CHSY3: variants seen among roughly 807,000 people sequenced by gnomAD.
CHSY3 encodes chondroitin sulfate synthase 3.
CHSY3 carries 35 observed loss-of-function variants against 67.2 expected under a neutral mutation model. That is an observed-to-expected ratio of 0.52 (90% CI 0.40 to 0.69). CHSY3 has a LOEUF of 0.69. Among genes scored for constraint, CHSY3 ranks in the 30% least tolerant of loss-of-function variants. The probability of loss-of-function intolerance (pLI) is 0.00; values close to 1 mark genes in which losing one functional copy is unlikely to be tolerated. For synonymous variants in CHSY3, 474 were observed against 434.7 expected, an observed-to-expected ratio of 1.09 and a Z score of -1.12; for missense variants, 1,069 against 1,138.5, an observed-to-expected ratio of 0.94 and a Z score of 0.88.
chr5:130,076,211 A>T (rs1246348718), intron 2 of CHSY3, among the ~76,000 whole-genome samples: 1 of 151,998 alleles, frequency 6.6e-6, no homozygotes, highest in Non-Finnish European at 1.5e-5. Context: ...TCTAACTAAG[A>T]TGCAGCCTTG....
intron 1 of CHSY3, 135 bp downstream of exon 1, chr5:129,905,766 G>A: frequency 7.3e-7 from 1 of 1,377,402 alleles, no homozygotes; most frequent in Non-Finnish European, 9.3e-7. Flanking sequence ...GCCCTGGCCC[G>A]CCCTCCCCAC....
At chr5:130,020,445 ATATATATATATATATATT>A (rs1456934250) in intron 2 of CHSY3, among the ~76,000 whole-genome samples, 351 of 13,614 alleles carry the variant, frequency 0.026, 11 homozygotes, top group East Asian at 0.12. Context: ...ATATATATAT[ATATATATATATATATATT>A]TTTTTTTTTT....
At chr5:130,118,667 T>G (rs1767905002) in intron 2 of CHSY3, among the ~76,000 whole-genome samples, 1 of 152,170 alleles carries the variant, frequency 6.6e-6, no homozygotes, top group African/African-American at 2.4e-5. Context: ...CTATCATCGA[T>G]TTCCTTTTTC....
intron 2 of CHSY3, among the ~76,000 whole-genome samples, chr5:129,953,882 C>T (rs1762096230): frequency 1.3e-5 from 2 of 152,130 alleles, no homozygotes; most frequent in East Asian, 1.9e-4. Flanking sequence ...GATATTAGCC[C>T]TTTGTCAGAT....
chr5:129,912,078 A>G (rs976119390), intron 2 of CHSY3, among the ~76,000 whole-genome samples: 1 of 152,060 alleles, frequency 6.6e-6, no homozygotes, highest in Non-Finnish European at 1.5e-5. Context: ...CAACAACAAC[A>G]AAAAAACTTA....
intron 2 of CHSY3, among the ~76,000 whole-genome samples, chr5:130,007,698 A>G (rs1024641338): frequency 6.6e-6 from 1 of 152,200 alleles, no homozygotes; most frequent in Non-Finnish European, 1.5e-5. Flanking sequence ...TTGGTGTGGG[A>G]ACTGCTACAG....
At chr5:130,059,060 G>T (rs1765626238) in intron 2 of CHSY3, among the ~76,000 whole-genome samples, 1 of 152,168 alleles carries the variant, frequency 6.6e-6, no homozygotes, top group Non-Finnish European at 1.5e-5. Context: ...TGTGTTTTGT[G>T]AAGGTACCTT....
rs561740676 is a variant in CHSY3 at position 129,947,216 on chromosome 5, T to A, written c.1086+38856T>A. ...AAAAGCCCATTATAAAGCCATCAGA[T>A]CTCATAAGAACTCACTATCATGAGA... On this transcript the variant is annotated intron_variant, in intron 2 of 2. Transcript: ENST00000305031. 2.6e-5 allele frequency among the ~76,000 whole-genome samples: 4 copies of A among 152,192 alleles called. No homozygotes were observed. The South Asian group carries it at 8.3e-4, about 32-fold the overall frequency.
At chr5:129,988,112 A>C (rs1261967304) in intron 2 of CHSY3, among the ~76,000 whole-genome samples, 2 of 152,222 alleles carry the variant, frequency 1.3e-5, no homozygotes, top group Non-Finnish European at 2.9e-5. Context: ...TCAAAATGGC[A>C]TTTGTACTCA....
At chr5:130,173,439 C>T (rs79713005) in intron 2 of CHSY3, among the ~76,000 whole-genome samples, 3,476 of 152,064 alleles carry the variant, frequency 0.023, 95 homozygotes, top group African/African-American at 0.066. Flanking sequence ...GGATATAATC[C>T]ACTGATGTTA....
intron 2 of CHSY3, among the ~76,000 whole-genome samples, chr5:129,964,600 G>A (rs182142750): frequency 3.8e-4 from 58 of 151,658 alleles, no homozygotes; most frequent in African/African-American, 1.2e-3. Context: ...GTCCTATCTC[G>A]TCTTATTTTA....
chr5:130,092,015 G>A (rs1336839978), intron 2 of CHSY3, among the ~76,000 whole-genome samples: 3 of 152,034 alleles, frequency 2.0e-5, no homozygotes, highest in African/African-American at 7.2e-5. Context: ...GAGAGCATTT[G>A]GGGGGTCTGT....
chr5:129,946,797 A>C (rs1249283661), intron 2 of CHSY3, among the ~76,000 whole-genome samples: 1 of 152,192 alleles, frequency 6.6e-6, no homozygotes, highest in Non-Finnish European at 1.5e-5. Context: ...TTCATTGTAT[A>C]TACTTGACAC....
At chr5:129,988,502 G>A (rs960581802) in intron 2 of CHSY3, among the ~76,000 whole-genome samples, 11 of 152,232 alleles carry the variant, frequency 7.2e-5, no homozygotes, top group African/African-American at 1.7e-4. Flanking sequence ...GTAAAGGTTG[G>A]CCTCTGCCAT....
intron 2 of CHSY3, among the ~76,000 whole-genome samples, chr5:130,030,921 G>T (rs982644300): frequency 6.6e-6 from 1 of 151,950 alleles, no homozygotes; most frequent in Non-Finnish European, 1.5e-5. Flanking sequence ...ATGAATGAAA[G>T]TTTTTGCCTC....
chr5:129,955,896 A>G (rs1762156952), intron 2 of CHSY3, among the ~76,000 whole-genome samples: 1 of 152,196 alleles, frequency 6.6e-6, no homozygotes, highest in South Asian at 2.1e-4. Context: ...GCTGCATAGT[A>G]TTCCATGGTG....
At chr5:130,105,642 C>T (rs1767390730) in intron 2 of CHSY3, among the ~76,000 whole-genome samples, 1 of 151,676 alleles carries the variant, frequency 6.6e-6, no homozygotes, top group African/African-American at 2.4e-5. Context: ...TGTAAAATTA[C>T]ATTTACATTT....
chr5:129,994,502 A>C (rs1301252928), intron 2 of CHSY3, among the ~76,000 whole-genome samples: 1 of 152,004 alleles, frequency 6.6e-6, no homozygotes, highest in Non-Finnish European at 1.5e-5. Context: ...AGTTGATCGC[A>C]TCAGCTACTG....
chr5:129,904,994 C>T lies in CHSY3; in HGVS notation c.165C>T (p.Pro55=). ...CSYYGRSAAG[P]RAGAQQPLPQ... Reference sequence around the variant, plus strand: ...ACTACGGTCGCTCTGCTGCTGGCCCCCGCGCCGGCGCTCAGCAGCCGCTCC... The same window carrying T: ...ACTACGGTCGCTCTGCTGCTGGCCCTCGCGCCGGCGCTCAGCAGCCGCTCC... The change falls in exon 1 of 3, where the codon CCC becomes CCT. Residue 55 remains proline, a synonymous_variant. Coordinates refer to ENST00000305031, the MANE Select transcript of CHSY3 (RefSeq NM_175856.5). 1 of 1,567,842 alleles carries T rather than the reference C, an allele frequency of 6.4e-7. No individual in the cohort carries two copies. The highest frequency in any genetic ancestry group is 1.2e-5 in the South Asian group (1 of 86,432).
Sources: allele counts gnomAD v4.1 joint callset (sites outside exome capture counted in the v4.1 genomes callset), GRCh38; gene constraint gnomAD v4.1.1; transcripts MANE v1.5; gene names NCBI Gene and HGNC (gene_info 2026-07-23, HGNC 2026-07-21).